Variants in SEMA6D observed in about 807,000 individuals in gnomAD.
The protein encoded by SEMA6D is semaphorin 6D, also known as semaphorin-6D.
In SEMA6D, 35 loss-of-function variants were observed where a neutral mutation model predicts 106.6. The observed-to-expected ratio is 0.33, with a 90% CI of 0.25 to 0.44. The LOEUF is 0.44. Among genes scored for constraint, SEMA6D ranks in the 20% least tolerant of loss-of-function variants. The pLI is 1.00. For synonymous variants in SEMA6D, 499 were observed against 487.7 expected (o/e 1.02, Z -0.31); for missense variants, 1,185 against 1,345.9 (o/e 0.88, Z 1.87).
At chr15:47,675,033 A>G (rs2078214988) in intron 4 of SEMA6D, among the ~76,000 whole-genome samples, 1 of 152,220 alleles carries the variant, frequency 6.6e-6, no homozygotes, top group Admixed American at 6.5e-5. Flanking sequence ...ATAACAGCAT[A>G]TCAGCAATGT....
intron 2 of SEMA6D, among the ~76,000 whole-genome samples, chr15:47,432,515 C>T (rs1159629681): frequency 6.7e-6 from 1 of 148,522 alleles, no homozygotes; most frequent in Non-Finnish European, 1.5e-5. Context: ...CACAAACATA[C>T]ATATGCATAT....
rs200778206 is a variant in SEMA6D at position 47,319,025 on chromosome 15, C to CT, written c.-238-93360dup. On this transcript the variant is annotated intron_variant, in intron 1 of 19. Transcript: ENST00000558014. Reference sequence around the variant, plus strand: ...CTTTGATACAGTTTTCTTTTCTTTTCTTTTTTTTCAGTTTTATTTCTCTTT... The same window carrying CT: ...CTTTGATACAGTTTTCTTTTCTTTTCTTTTTTTTTCAGTTTTATTTCTCTTT... Among the ~76,000 whole-genome samples, 695 of 152,042 alleles carry CT rather than the reference C, an allele frequency of 4.6e-3. 5 individuals are homozygous for CT. The highest frequency in any genetic ancestry group is 0.016 in the African/African-American group (653 of 41,498).
intron 1 of SEMA6D, among the ~76,000 whole-genome samples, chr15:47,221,310 C>A (rs1328824150): frequency 6.6e-6 from 1 of 152,228 alleles, no homozygotes; most frequent in African/African-American, 2.4e-5. Flanking sequence ...TCCAGCTCCC[C>A]CTGGGCTGTA....
intron 1 of SEMA6D, among the ~76,000 whole-genome samples, chr15:47,746,618 G>A (rs746662530): frequency 7.2e-5 from 11 of 152,124 alleles, no homozygotes; most frequent in Non-Finnish European, 1.2e-4. Context: ...GAGCCCAAAG[G>A]GCAGAACCAG....
chr15:47,373,948 C>T (rs1036978854), intron 1 of SEMA6D, among the ~76,000 whole-genome samples: 4 of 152,058 alleles, frequency 2.6e-5, no homozygotes, highest in Non-Finnish European at 5.9e-5. Context: ...GGGGTCATGG[C>T]GAAACTCTGT....
intron 1 of SEMA6D, among the ~76,000 whole-genome samples, chr15:47,256,789 G>A (rs1368171868): frequency 6.6e-6 from 1 of 152,074 alleles, no homozygotes; most frequent in Non-Finnish European, 1.5e-5. Flanking sequence ...AACCCGGGAG[G>A]TGGAGGTTGC....
intron 1 of SEMA6D, among the ~76,000 whole-genome samples, chr15:47,229,800 A>G (rs1463608971): frequency 6.6e-6 from 1 of 152,058 alleles, no homozygotes; most frequent in Non-Finnish European, 1.5e-5. Flanking sequence ...GTGGGACTGA[A>G]TATGTTCTAT....
chr15:47,608,956 G>A (rs1292661400), intron 4 of SEMA6D, among the ~76,000 whole-genome samples: 1 of 152,026 alleles, frequency 6.6e-6, no homozygotes, highest in African/African-American at 2.4e-5. Context: ...CTTTTTTCTA[G>A]CCTATGTTCA....
At chr15:47,753,311 C>G (rs1043578731) in intron 1 of SEMA6D, among the ~76,000 whole-genome samples, 16 of 152,110 alleles carry the variant, frequency 1.1e-4, no homozygotes, top group African/African-American at 3.9e-4. Flanking sequence ...AGCGAGTTGT[C>G]CTAGAGTGTG....
At chr15:47,342,031 T>C (rs1371419636) in intron 1 of SEMA6D, among the ~76,000 whole-genome samples, 1 of 151,776 alleles carries the variant, frequency 6.6e-6, no homozygotes, top group Non-Finnish European at 1.5e-5. Flanking sequence ...TTTTTTCTTT[T>C]TTGTTTGTTT....
Position 47,201,265 on chromosome 15 carries a change from G to A in SEMA6D, c.-239+16847G>A, listed in dbSNP as rs116838866. Among the ~76,000 whole-genome samples the A allele has an allele frequency of 2.8e-3, 419 of 152,204 alleles. 4 individuals are homozygous for A. The highest frequency in any genetic ancestry group is 9.5e-3 in the African/African-American group (394 of 41,506). On this transcript the variant is annotated intron_variant, in intron 1 of 19. Coordinates refer to the SEMA6D transcript ENST00000558014. ...GGAATTTCAAAATAAAAACCATTAC[G>A]GATGAATGGCATACATTACAGACAT... is the stretch of plus-strand genomic sequence containing the variant.
At chr15:47,487,562 G>A (rs1244094055) in intron 3 of SEMA6D, among the ~76,000 whole-genome samples, 2 of 152,166 alleles carry the variant, frequency 1.3e-5, no homozygotes, top group African/African-American at 2.4e-5. Flanking sequence ...TACACTATAT[G>A]TATTGCTAGT....
intron 3 of SEMA6D, among the ~76,000 whole-genome samples, chr15:47,589,094 C>T (rs532949403): frequency 3.0e-4 from 45 of 152,244 alleles, no homozygotes; most frequent in Middle Eastern, 3.4e-3. Context: ...TTCTGAGCAG[C>T]CCTCCGCTGT....
chr15:47,206,606 G>A (rs1392950813), intron 1 of SEMA6D, among the ~76,000 whole-genome samples: 1 of 151,958 alleles, frequency 6.6e-6, no homozygotes, highest in East Asian at 1.9e-4. Flanking sequence ...GAAAACAGTA[G>A]CTTCCATCCT....
chr15:47,762,076 G>C, intron 7 of SEMA6D, 124 bp from the exon 8 acceptor site: 2 of 1,036,642 alleles, frequency 1.9e-6, no homozygotes, highest in Non-Finnish European at 2.9e-6. Context: ...ATCAGGTGTA[G>C]CCCTATTTGT....
intron 4 of SEMA6D, among the ~76,000 whole-genome samples, chr15:47,601,077 A>G (rs750126949): frequency 8.6e-5 from 13 of 152,026 alleles, no homozygotes; most frequent in Middle Eastern, 6.8e-3. Context: ...ACTGGTCTTA[A>G]GAGAAATAGA....
intron 4 of SEMA6D, among the ~76,000 whole-genome samples, chr15:47,603,135 A>G (rs2076697772): frequency 6.6e-6 from 1 of 152,160 alleles, no homozygotes; most frequent in Non-Finnish European, 1.5e-5. Context: ...TCATATATAA[A>G]GAGATATAGG....
chr15:47,470,532 C>G (rs994276330), exon 3 of SEMA6D: 1 of 151,972 alleles, frequency 6.6e-6, no homozygotes, highest in Non-Finnish European at 1.5e-5. Flanking sequence ...TCTGGAAGCC[C>G]AAGACTGCTG....
intron 1 of SEMA6D, among the ~76,000 whole-genome samples, chr15:47,743,487 C>T (rs898848571): frequency 1.3e-5 from 2 of 151,888 alleles, no homozygotes; most frequent in African/African-American, 2.4e-5. Context: ...TATTTGCAGA[C>T]GTAAAAGGCA....
Sources: allele counts gnomAD v4.1 joint callset (sites outside exome capture counted in the v4.1 genomes callset), GRCh38; gene constraint gnomAD v4.1.1; transcripts MANE v1.5; gene names NCBI Gene and HGNC (gene_info 2026-07-23, HGNC 2026-07-21).